Variants in ZP3 observed in about 807,000 individuals in gnomAD.
ZP3 encodes zona pellucida sperm-binding protein 3.
Under a neutral mutation model 35.6 loss-of-function variants are expected in ZP3, and 21 were observed. That is an observed-to-expected ratio of 0.59 (90% CI 0.42 to 0.85). The LOEUF (loss-of-function observed/expected upper bound fraction) is 0.85. Ranked by LOEUF, ZP3 falls within the 40% of genes least tolerant of loss-of-function variation. The pLI, the probability that ZP3 is intolerant of heterozygous loss-of-function variation, is 0.00. For missense variants in ZP3, 437 were observed against 536.5 expected (o/e 0.81, Z 1.83); for synonymous variants, 207 against 214.5 (o/e 0.96, Z 0.31).
intron 1 of ZP3, among the ~76,000 whole-genome samples, chr7:76,418,023 C>T (rs1424285903): frequency 2.0e-5 from 3 of 150,996 alleles, no homozygotes; most frequent in Non-Finnish European, 2.9e-5. Flanking sequence ...CTGCAATCTC[C>T]GCCTCCCGGG....
At chr7:76,430,476 C>A (rs2115904353) in intron 2 of ZP3, among the ~76,000 whole-genome samples, 1 of 152,210 alleles carries the variant, frequency 6.6e-6, no homozygotes, top group East Asian at 1.9e-4. Flanking sequence ...TGGCTCACGC[C>A]TGTAATACCA....
chr7:76,430,474 G>A (rs1005394711), intron 2 of ZP3, among the ~76,000 whole-genome samples: 3 of 152,194 alleles, frequency 2.0e-5, no homozygotes, highest in African/African-American at 7.2e-5. Flanking sequence ...GGTGGCTCAC[G>A]CCTGTAATAC....
At chr7:76,433,829 G>A (rs1805911392) in intron 4 of ZP3, 182 bp downstream of exon 4, 1 of 1,048,498 alleles carries the variant, frequency 9.5e-7, no homozygotes, top group African/African-American at 1.6e-5. Flanking sequence ...CCCCCAAGTA[G>A]CTGAGATTAC....
chr7:76,432,688 G>T (rs939811030), intron 2 of ZP3, among the ~76,000 whole-genome samples: 2 of 152,168 alleles, frequency 1.3e-5, no homozygotes, highest in Non-Finnish European at 2.9e-5. Flanking sequence ...GTCTTCAGCG[G>T]CCCAGATAGC....
rs1353676969 is a variant in ZP3, at chr7:76,429,617, G to C, written c.415G>C (p.Glu139Gln). The C allele has an allele frequency of 1.9e-6, 3 of 1,613,994 alleles. No individual in the cohort carries two copies. The highest frequency in any genetic ancestry group is 3.3e-5 in the Admixed American group (2 of 59,992). Residue 139 changes from glutamate to glutamine, a missense_variant, in exon 2 of 8, where the codon GAG becomes CAG. Transcript: ENST00000394857. ...GACTAACCGCGCAGAGATTCCCATC[G>C]AGTGCCGCTACCCCAGGTCGGTGTG... ...VRTNRAEIPI[E>Q]CRYPRQGNVS...
At chr7:76,435,732 ATTTT>A (rs71521128) in intron 5 of ZP3, among the ~76,000 whole-genome samples, 12 of 137,490 alleles carry the variant, frequency 8.7e-5, no homozygotes, top group South Asian at 4.7e-4. Context: ...TACCACCAGC[ATTTT>A]TTTTTTTTTT....
In ZP3 at chr7:76,416,867, C is replaced by CATATATACACACATACATATATATACAT. The variant is rs1212601185; in HGVS notation, c.-66-8184_-66-8183insTATATACACACATACATATATATACATA. The stretch of plus-strand genomic sequence containing the variant: ...ATATACACACATACATATATATACA[C>CATATATACACACATACATATATATACAT]ACATATATACACACATACATATATA... On this transcript the variant is annotated intron_variant, in intron 1 of 8. Transcript: ENST00000336517. Among the ~76,000 whole-genome samples, 122 of 142,760 alleles carry CATATATACACACATACATATATATACAT rather than the reference C, an allele frequency of 8.5e-4. 3 individuals carry two copies. Among genetic ancestry groups the CATATATACACACATACATATATATACAT allele is most frequent in the East Asian group, 4.6e-3 (21 of 4,576 alleles). The allele number at this position is 142,760 out of a possible 152,430, so 93.7% of individuals were successfully genotyped here. A position where few individuals can be genotyped will look rare whatever the true frequency, so the allele number is the denominator to read the frequency against.
At chr7:76,412,456 A>G (rs749562605) in intron 1 of ZP3, among the ~76,000 whole-genome samples, 1 of 152,192 alleles carries the variant, frequency 6.6e-6, no homozygotes, top group Non-Finnish European at 1.5e-5. Flanking sequence ...TATGATGATG[A>G]AATAGTTTTG....
chr7:76,425,674 C>A (rs984339644), intron 1 of ZP3, among the ~76,000 whole-genome samples: 1 of 152,120 alleles, frequency 6.6e-6, no homozygotes, highest in African/African-American at 2.4e-5. Context: ...ATCTTAAAAA[C>A]AACAAGTGGG....
At chr7:76,428,304 G>A (rs1386767071) in intron 1 of ZP3, among the ~76,000 whole-genome samples, 1 of 152,064 alleles carries the variant, frequency 6.6e-6, no homozygotes, top group Non-Finnish European at 1.5e-5. Context: ...CTGGGTGACA[G>A]AGCAAGACTG....
intron 1 of ZP3, chr7:76,400,487 C>G: frequency 6.2e-7 from 1 of 1,603,974 alleles, no homozygotes; most frequent in Non-Finnish European, 8.5e-7. Context: ...ACTACGTTGG[C>G]GTCCACCACG....
At chr7:76,440,735 C>CA in intron 7 of ZP3, 124 bp downstream of exon 7, 1 of 1,449,938 alleles carries the variant, frequency 6.9e-7, no homozygotes, top group South Asian at 1.4e-5. Context: ...CCTAGGCCTG[C>CA]AGCTACCTTT....
intron 1 of ZP3, among the ~76,000 whole-genome samples, chr7:76,414,376 C>T (rs895501163): frequency 6.6e-6 from 1 of 152,134 alleles, no homozygotes; most frequent in Non-Finnish European, 1.5e-5. Flanking sequence ...TAAATGGATT[C>T]TGACAAGTGG....
At chr7:76,427,574 A>G (rs906626298) in intron 1 of ZP3, among the ~76,000 whole-genome samples, 2 of 151,656 alleles carry the variant, frequency 1.3e-5, no homozygotes, top group Non-Finnish European at 2.9e-5. Context: ...CAACCTGTGC[A>G]GTTCTGTGGG....
chr7:76,436,742 G>A (rs1477199033), intron 5 of ZP3, among the ~76,000 whole-genome samples: 2 of 152,172 alleles, frequency 1.3e-5, no homozygotes, highest in East Asian at 3.9e-4. Flanking sequence ...TAGCTCCTTA[G>A]GGGAGAGGAT....
intron 1 of ZP3, among the ~76,000 whole-genome samples, chr7:76,410,991 T>G (rs1805226732): frequency 1.3e-5 from 1 of 74,290 alleles, no homozygotes; most frequent in African/African-American, 6.5e-5. Context: ...CAAGACTCCA[T>G]CTCAAAAGAA....
At chr7:76,411,384 T>G in intron 1 of ZP3, among the ~76,000 whole-genome samples, 1 of 151,972 alleles carries the variant, frequency 6.6e-6, no homozygotes, top group East Asian at 1.9e-4. Context: ...CTGGGCAACA[T>G]AGGGAGACCC....
At chr7:76,436,041 T>TCCC (rs1805994959) in intron 5 of ZP3, among the ~76,000 whole-genome samples, 5 of 26,364 alleles carry the variant, frequency 1.9e-4, no homozygotes, top group Non-Finnish European at 2.6e-4. Flanking sequence ...TTTTTTTTTT[T>TCCC]TTTTTTTTTT....
At chr7:76,409,324 C>CTG (rs1805162706) in intron 1 of ZP3, 2 of 2,832 alleles carry the variant, frequency 7.1e-4, no homozygotes, top group African/African-American at 9.6e-4. Flanking sequence ...CTCTCTGTCT[C>CTG]ACACACACAC....
Sources: allele counts gnomAD v4.1 joint callset (sites outside exome capture counted in the v4.1 genomes callset), GRCh38; gene constraint gnomAD v4.1.1; transcripts MANE v1.5; gene names NCBI Gene and HGNC (gene_info 2026-07-23, HGNC 2026-07-21).